The following KIAA0232 variants were observed in gnomAD, a reference collection of about 807,000 sequenced individuals.
The protein encoded by KIAA0232 is KIAA0232.
A neutral mutation model predicts 122.0 loss-of-function variants in KIAA0232; 27 were observed. The ratio of observed to expected loss-of-function variants is 0.22; its 90% confidence interval spans 0.16 to 0.31. The LOEUF (loss-of-function observed/expected upper bound fraction) is 0.31. KIAA0232 is among the 10% of genes least tolerant of loss of function. The pLI is 1.00. For missense variants in KIAA0232, 1,551 were observed against 1,634.2 expected (o/e 0.95, Z 0.88); for synonymous variants, 613 against 587.6 (o/e 1.04, Z -0.63).
At chr4:6,871,969 G>A (rs61374656) in intron 8 of KIAA0232, among the ~76,000 whole-genome samples, 2,623 of 152,286 alleles carry the variant, frequency 0.017, 72 homozygotes, top group African/African-American at 0.059. Flanking sequence ...GAAACAGCGG[G>A]CAGTCCCTGT....
intron 7 of KIAA0232, among the ~76,000 whole-genome samples, chr4:6,870,693 T>G (rs1400937949): frequency 6.6e-6 from 1 of 151,842 alleles, no homozygotes; most frequent in Non-Finnish European, 1.5e-5. Context: ...TCCCAGCTAC[T>G]CAGGAAGCTA....
chr4:6,876,826 C>A (rs1310602944), intron 9 of KIAA0232, 69 bp downstream of exon 9: 19 of 1,139,754 alleles, frequency 1.7e-5, no homozygotes, highest in Admixed American at 1.4e-4. Context: ...TCACTGTAGT[C>A]AAAAACCTGG....
intron 3 of KIAA0232, among the ~76,000 whole-genome samples, chr4:6,829,004 G>C (rs1364309633): frequency 6.6e-6 from 1 of 151,704 alleles, no homozygotes; most frequent in African/African-American, 2.4e-5. Flanking sequence ...TATCTAGTTT[G>C]AGATTATGCA....
chr4:6,864,269 G>T, intron 7 of KIAA0232, 86 bp downstream of exon 7: 5 of 1,402,618 alleles, frequency 3.6e-6, no homozygotes, highest in Non-Finnish European at 3.8e-6. Context: ...GAAAGATAGG[G>T]TTAAATTATT....
At chr4:6,877,741 G>T (rs1721832078) in intron 9 of KIAA0232, among the ~76,000 whole-genome samples, 1 of 152,102 alleles carries the variant, frequency 6.6e-6, no homozygotes, top group Non-Finnish European at 1.5e-5. Flanking sequence ...ACTAGATGGT[G>T]CCCACCCAGA....
intron 3 of KIAA0232, among the ~76,000 whole-genome samples, chr4:6,840,232 A>T (rs1719571317): frequency 6.6e-6 from 1 of 152,048 alleles, no homozygotes. Context: ...TGCTTCTGGG[A>T]TCATATTCTC....
chr4:6,816,271 T>C (rs1224126477), intron 2 of KIAA0232, among the ~76,000 whole-genome samples: 2 of 150,436 alleles, frequency 1.3e-5, no homozygotes, highest in African/African-American at 4.9e-5. Context: ...CTTTGTTTCT[T>C]ATAATGTCTT....
intron 4 of KIAA0232, among the ~76,000 whole-genome samples, chr4:6,845,112 C>G (rs1033943687): frequency 6.6e-6 from 1 of 152,174 alleles, no homozygotes; most frequent in Non-Finnish European, 1.5e-5. Context: ...GCTTCCAGCC[C>G]AGCATGACCA....
chr4:6,855,207 C>G lies in KIAA0232; in HGVS notation c.370-1957C>G, dbSNP rs1054498733. Among the ~76,000 whole-genome samples the G allele has an allele frequency of 2.6e-5, 4 of 152,062 alleles. No individual in the cohort carries two copies. Among genetic ancestry groups the G allele is most frequent in the African/African-American group, 9.7e-5 (4 of 41,382 alleles). ...TCAAGCAGTTCTCCTGCCTCAGCCT[C>G]CCAAGTAGCTAAGATTACAGGTGCC... On this transcript the variant is annotated intron_variant, in intron 4 of 9. Transcript: ENST00000307659. This position sits in a 1 kb window ranked among gnomAD's most constrained non-coding sequence, Gnocchi z 4.3.
intron 2 of KIAA0232, among the ~76,000 whole-genome samples, chr4:6,820,687 C>A (rs1418119489): frequency 6.6e-6 from 1 of 151,998 alleles, no homozygotes; most frequent in African/African-American, 2.4e-5. Context: ...TTTGTTTAAG[C>A]AATTGTCTTT....
chr4:6,805,579 T>C (rs1717578376), intron 2 of KIAA0232, among the ~76,000 whole-genome samples: 2 of 152,164 alleles, frequency 1.3e-5, no homozygotes, highest in African/African-American at 4.8e-5. Context: ...ACCTCACTCA[T>C]TGAAACTCAG....
chr4:6,873,661 C>T (rs986651491), intron 8 of KIAA0232, among the ~76,000 whole-genome samples: 1 of 152,084 alleles, frequency 6.6e-6, no homozygotes, highest in Admixed American at 6.5e-5. Flanking sequence ...CTCTAGGTTC[C>T]TGGTTATCTG....
chr4:6,849,947 G>T (rs2108763380), intron 4 of KIAA0232, among the ~76,000 whole-genome samples: 1 of 152,234 alleles, frequency 6.6e-6, no homozygotes, highest in South Asian at 2.1e-4. Flanking sequence ...GGGTAGAGTG[G>T]TTTATGAGGA....
chr4:6,862,451 T>C lies in KIAA0232; in HGVS notation c.2069T>C (p.Ile690Thr). 6.2e-7 allele frequency: 1 copy of C among 1,614,176 alleles called. No homozygotes were observed. Among genetic ancestry groups the C allele is most frequent in the Non-Finnish European group, 8.5e-7 (1 of 1,180,032 alleles). ...GGGAAAACACAGTCTAGATTGCTAA[T>C]ATGGACCAAAAATAGTGCCTTTGAA... is the stretch of plus-strand genomic sequence containing the variant. The part of the protein sequence containing the change: ...MLGKTQSRLL[I>T]WTKNSAFEEN... The change falls in exon 7 of 10, where the codon ATA (isoleucine) becomes ACA (threonine). Residue 690 changes from isoleucine (I) to threonine (T), a missense_variant. Physicochemically the swap from Ile to Thr is moderately conservative, Grantham distance 89. Around this residue, in one of 5 missense-constraint regions of KIAA0232, gnomAD observed 1,108 missense variants for 1,154.8 expected, o/e 0.96. Coordinates refer to ENST00000307659, the MANE Select transcript of KIAA0232 (RefSeq NM_014743.3).
At chr4:6,799,081 G>A (rs998233451) in intron 1 of KIAA0232, among the ~76,000 whole-genome samples, 3 of 152,160 alleles carry the variant, frequency 2.0e-5, no homozygotes, top group African/African-American at 7.2e-5. Context: ...GAGATTCTGA[G>A]AGAGAGCTTG....
chr4:6,825,233 A>T (rs1298959296), intron 3 of KIAA0232, among the ~76,000 whole-genome samples: 1 of 152,120 alleles, frequency 6.6e-6, no homozygotes, highest in East Asian at 1.9e-4. Flanking sequence ...TACACATTTT[A>T]TTTGACTTTG....
chr4:6,788,709 GTC>G (rs1198087428), intron 1 of KIAA0232, among the ~76,000 whole-genome samples: 1 of 152,216 alleles, frequency 6.6e-6, no homozygotes, highest in Non-Finnish European at 1.5e-5. Context: ...AAAATTTACA[GTC>G]TCTGATTTCA....
intron 4 of KIAA0232, among the ~76,000 whole-genome samples, chr4:6,846,755 T>C (rs1251356803): frequency 6.6e-6 from 1 of 152,096 alleles, no homozygotes; most frequent in Non-Finnish European, 1.5e-5. Flanking sequence ...CCTGGGTTTC[T>C]TTTTATAATC....
In KIAA0232 at chr4:6,862,672, G is replaced by C; in HGVS notation, c.2290G>C (p.Asp764His). The change falls in exon 7 of 10, where the codon GAT becomes CAT. Residue 764 changes from aspartate to histidine, a missense_variant. Asp to His is a moderately conservative substitution (Grantham distance 81). Coordinates refer to ENST00000307659, the MANE Select transcript of KIAA0232 (RefSeq NM_014743.3). ...VDEELLDFLQ[D>H]ETCQQNSRTL... is the part of the protein sequence containing the mutation. ...TGAAGAACTTCTAGATTTTTTGCAAGATGAAACTTGCCAGCAAAACAGTAG... is the reference window on the plus strand; with the variant it reads ...TGAAGAACTTCTAGATTTTTTGCAACATGAAACTTGCCAGCAAAACAGTAG... 6.2e-7 allele frequency: 1 copy of C among 1,610,620 alleles called. No individual in the cohort carries two copies. Among genetic ancestry groups the C allele is most frequent in the Non-Finnish European group, 8.5e-7 (1 of 1,179,128 alleles).
Sources: allele counts gnomAD v4.1 joint callset (sites outside exome capture counted in the v4.1 genomes callset), GRCh38; gene constraint gnomAD v4.1.1; regional missense constraint gnomAD v4.1.1; non-coding constraint Gnocchi (gnomAD v3.1); transcripts MANE v1.5; gene names NCBI Gene and HGNC (gene_info 2026-07-23, HGNC 2026-07-21).